The following GPHN variants were observed in gnomAD, a reference collection of about 807,000 sequenced individuals.
GPHN encodes the protein gephyrin.
A neutral mutation model predicts 95.5 loss-of-function variants in GPHN; 17 were observed. The ratio of observed to expected loss-of-function variants is 0.18; its 90% CI spans 0.12 to 0.27. The LOEUF is 0.27. Among genes scored for constraint, GPHN ranks in the 10% least tolerant of loss-of-function variants. The pLI is 1.00. For synonymous variants in GPHN, 320 were observed against 322.5 expected, an observed-to-expected ratio of 0.99 and a Z score of 0.08; for missense variants, 660 against 978.1, an observed-to-expected ratio of 0.67 and a Z score of 4.34.
At chr14:67,404,708 G>A in the GPHN span, among the ~76,000 whole-genome samples, 1 of 151,992 alleles carries the variant, frequency 6.6e-6, no homozygotes, top group Admixed American at 6.6e-5. Context: ...CACTCAGGAG[G>A]CTGAGGTGGG....
rs144740452 is a variant in GPHN, at chr14:66,886,484, C to T, written c.389+6451C>T. On this transcript the variant is annotated intron_variant, in intron 5 of 22. Coordinates refer to ENST00000478722, the MANE Select transcript of GPHN (RefSeq NM_020806.5). ...GGAGTTCTAAGTCATGATGAGCATC[C>T]TGCAGCAGTTCCAGTGAATTATGGA... 7.5e-3 allele frequency among the ~76,000 whole-genome samples: 1,142 copies of T among 151,642 alleles called. 4 individuals carry two copies. The highest frequency in any genetic ancestry group is 1.0e-2 in the Admixed American group (152 of 15,218).
the GPHN span, among the ~76,000 whole-genome samples, chr14:67,528,111 G>C: frequency 6.6e-6 from 1 of 152,208 alleles, no homozygotes; most frequent in Non-Finnish European, 1.5e-5. Flanking sequence ...AGATTGGAGT[G>C]TGAGGGTGAG....
the GPHN span, chr14:67,332,856 T>C: frequency 1.2e-6 from 2 of 1,614,060 alleles, no homozygotes; most frequent in Non-Finnish European, 1.7e-6. Flanking sequence ...GATACGGCAA[T>C]TGTGAATTCC....
intron 1 of GPHN, among the ~76,000 whole-genome samples, chr14:66,618,969 A>T (rs998080154): frequency 6.6e-6 from 1 of 152,186 alleles, no homozygotes; most frequent in Non-Finnish European, 1.5e-5. Context: ...TCTTTTTCCC[A>T]TAATGATCAG....
intron 21 of GPHN, among the ~76,000 whole-genome samples, chr14:67,171,634 A>G (rs1302355095): frequency 3.3e-5 from 5 of 152,182 alleles, no homozygotes; most frequent in South Asian, 4.1e-4. Context: ...ATAGCCAACT[A>G]TAAGTCCCTC....
At position 66,557,067 on chromosome 14, in the gene GPHN, C is replaced by T. The variant is rs147609505; in HGVS notation, c.64+48476C>T. Among the ~76,000 whole-genome samples, 11 of 151,750 alleles carry T rather than the reference C, an allele frequency of 7.2e-5. No homozygotes were observed. The East Asian group carries it at 1.6e-3, about 21-fold the overall frequency. The stretch of plus-strand genomic sequence containing the variant: ...AAACTAAAAAATAAAATTAGCTGGG[C>T]GTGGTGACGTGTGCATGTAGTCCCA... On this transcript the variant is annotated intron_variant, in intron 1 of 22. Transcript: ENST00000478722.
the GPHN span, among the ~76,000 whole-genome samples, chr14:67,507,621 T>C: frequency 1.3e-5 from 2 of 152,134 alleles, no homozygotes; most frequent in East Asian, 3.9e-4. Flanking sequence ...ACTAATTTTG[T>C]GTAAAGACAA....
intron 1 of GPHN, among the ~76,000 whole-genome samples, chr14:66,623,233 A>G (rs1045567215): frequency 1.6e-4 from 25 of 151,948 alleles, no homozygotes; most frequent in African/African-American, 5.8e-4. Context: ...ATTTCATGAG[A>G]CTCATTCACT....
At chr14:67,431,390 TCAAAAA>T in the GPHN span, among the ~76,000 whole-genome samples, 1 of 21,886 alleles carries the variant, frequency 4.6e-5, no homozygotes, top group Admixed American at 7.1e-4. Context: ...AGACTCTGTC[TCAAAAA>T]AAAAAAAAAA....
intron 5 of GPHN, among the ~76,000 whole-genome samples, chr14:66,889,707 A>T (rs1163223528): frequency 1.3e-5 from 2 of 152,208 alleles, no homozygotes; most frequent in East Asian, 3.9e-4. Context: ...AAGTTAAGAA[A>T]CTAGAAAAAG....
intron 17 of GPHN, among the ~76,000 whole-genome samples, chr14:67,129,780 A>AGAG (rs1567375976): frequency 2.8e-5 from 3 of 106,788 alleles, no homozygotes; most frequent in African/African-American, 1.9e-4. Flanking sequence ...GAAAGAGAGA[A>AGAG]AGAAAGAGAG....
chr14:67,724,581 C>A, the GPHN span: 1 of 1,612,618 alleles, frequency 6.2e-7, no homozygotes, highest in Non-Finnish European at 8.5e-7. Flanking sequence ...CCAGAGAGCT[C>A]GCTAGCCGAG....
At chr14:67,588,199 C>T in the GPHN span, 1 of 152,622 alleles carries the variant, frequency 6.6e-6, no homozygotes, top group Non-Finnish European at 1.5e-5. Context: ...GAGGTAGGTC[C>T]AATCTGACCC....
At chr14:67,457,603 C>A in the GPHN span, among the ~76,000 whole-genome samples, 1 of 152,298 alleles carries the variant, frequency 6.6e-6, no homozygotes, top group East Asian at 1.9e-4. Flanking sequence ...GAGACTTTGT[C>A]TGTAAAACCA....
At chr14:67,469,093 G>T in the GPHN span, among the ~76,000 whole-genome samples, 1 of 152,134 alleles carries the variant, frequency 6.6e-6, no homozygotes, top group East Asian at 1.9e-4. Context: ...GTAAATGACT[G>T]CTGGGGATTT....
chr14:66,660,360 A>C (rs1383216673), intron 1 of GPHN, among the ~76,000 whole-genome samples: 1 of 152,168 alleles, frequency 6.6e-6, no homozygotes, highest in East Asian at 1.9e-4. Context: ...CAAGATGAGA[A>C]TTTTGTCTGT....
chr14:66,575,159 T>G (rs1418147712), intron 1 of GPHN, among the ~76,000 whole-genome samples: 1 of 152,224 alleles, frequency 6.6e-6, no homozygotes, highest in Non-Finnish European at 1.5e-5. Context: ...GAGAAGATCT[T>G]TATCTCTCCT....
At chr14:67,348,030 A>G in the GPHN span, among the ~76,000 whole-genome samples, 1 of 151,304 alleles carries the variant, frequency 6.6e-6, no homozygotes, top group Non-Finnish European at 1.5e-5. Context: ...CTCCCACCTC[A>G]GCCTCCTGAG....
At chr14:67,073,583 A>G (rs1434200953) in intron 11 of GPHN, among the ~76,000 whole-genome samples, 1 of 152,184 alleles carries the variant, frequency 6.6e-6, no homozygotes, top group African/African-American at 2.4e-5. Flanking sequence ...CACAGATGGA[A>G]GTTGTAGTGA....
Sources: gnomAD v4.1 joint callset for allele counts (sites outside exome capture counted in the v4.1 genomes callset) on GRCh38, gnomAD v4.1.1 for gene constraint, MANE v1.5 for transcripts, NCBI Gene and HGNC (gene_info 2026-07-23, HGNC 2026-07-21) for gene names.